PCMT1: variants seen among roughly 807,000 people sequenced by gnomAD.
The protein encoded by PCMT1 is protein-L-isoaspartate (D-aspartate) O-methyltransferase.
PCMT1 carries 9 observed loss-of-function variants against 29.2 expected under a neutral mutation model. The ratio of observed to expected loss-of-function variants is 0.31; its 90% CI spans 0.19 to 0.54. The LOEUF is 0.54. Among genes scored for constraint, PCMT1 ranks in the 20% least tolerant of loss-of-function variants. The pLI, the probability that PCMT1 is intolerant of heterozygous loss-of-function variation, is 0.95. For missense variants in PCMT1, 184 were observed against 282.2 expected, an observed-to-expected ratio of 0.65 and a Z score of 2.49; for synonymous variants, 98 against 97.5, an observed-to-expected ratio of 1.00 and a Z score of -0.03.
chr6:149,768,350 C>T (rs1787175918), intron 1 of PCMT1, among the ~76,000 whole-genome samples: 1 of 152,050 alleles, frequency 6.6e-6, no homozygotes, highest in Non-Finnish European at 1.5e-5. Context: ...CCTTGGTCTC[C>T]CAAAGTGCTC....
rs142533009 is a variant in PCMT1 at position 149,793,608 on chromosome 6, A to G, written c.357A>G (p.Ser119=). 4.9e-5 allele frequency: 77 copies of G among 1,572,130 alleles called. No homozygotes were observed. The highest frequency in any genetic ancestry group is 6.2e-5 in the Non-Finnish European group (72 of 1,166,586). The part of the protein sequence containing the change: ...IDHIKELVDD[S]VNNVRKDDPT... Reference sequence around the variant, plus strand: ...ACATTAAAGAGCTAGTAGATGACTCAGTAAATAATGTCAGGAAGGACGATC... The same window carrying G: ...ACATTAAAGAGCTAGTAGATGACTCGGTAAATAATGTCAGGAAGGACGATC... Residue 119 remains serine, a synonymous_variant, in exon 5 of 8, where the codon TCA becomes TCG. Coordinates refer to ENST00000464889, the MANE Select transcript of PCMT1 (RefSeq NM_001360452.2).
intron 1 of PCMT1, among the ~76,000 whole-genome samples, chr6:149,756,388 G>T (rs531228915): frequency 1.4e-5 from 2 of 145,464 alleles, no homozygotes; most frequent in African/African-American, 5.1e-5. Flanking sequence ...TCTTTCTGTC[G>T]CCCAAGCTGG....
chr6:149,766,962 G>A (rs1787110083), intron 1 of PCMT1, among the ~76,000 whole-genome samples: 1 of 152,116 alleles, frequency 6.6e-6, no homozygotes, highest in South Asian at 2.1e-4. Context: ...TGTAATCCCA[G>A]CACTTTGGGA....
chr6:149,797,279 C>T (rs924824412), intron 6 of PCMT1: 1 of 152,038 alleles, frequency 6.6e-6, no homozygotes, highest in African/African-American at 2.4e-5. Flanking sequence ...ATAATTAACA[C>T]AGGATATCTA....
chr6:149,777,723 T>C (rs955668120), intron 3 of PCMT1, among the ~76,000 whole-genome samples: 29 of 152,290 alleles, frequency 1.9e-4, no homozygotes, highest in African/African-American at 6.7e-4. Context: ...ATGGGTGGAA[T>C]TGAGATCTGA....
intron 7 of PCMT1, among the ~76,000 whole-genome samples, chr6:149,809,258 CAAAAAAA>C (rs1209712068): frequency 3.2e-4 from 15 of 47,092 alleles, no homozygotes; most frequent in African/African-American, 8.4e-4. Flanking sequence ...GACTCTGTCT[CAAAAAAA>C]AAAAAAAAAA....
At chr6:149,803,797 GAAAAAAAA>G (rs35832236) in intron 7 of PCMT1, among the ~76,000 whole-genome samples, 12 of 109,912 alleles carry the variant, frequency 1.1e-4, no homozygotes, top group Non-Finnish European at 1.7e-4. Context: ...ACAGCCACTG[GAAAAAAAA>G]AAAAAAAAAA....
intron 3 of PCMT1, among the ~76,000 whole-genome samples, chr6:149,776,619 C>T (rs2115267446): frequency 6.6e-6 from 1 of 152,102 alleles, no homozygotes; most frequent in South Asian, 2.1e-4. Context: ...ACTTTGTTAC[C>T]CCAGGTTGGT....
intron 1 of PCMT1, among the ~76,000 whole-genome samples, chr6:149,768,141 G>C (rs1371595211): frequency 6.6e-6 from 1 of 152,026 alleles, no homozygotes; most frequent in Non-Finnish European, 1.5e-5. Flanking sequence ...GCCCAGGCTG[G>C]AGTACAGTGG....
At chr6:149,796,675 G>T (rs1239599371) in intron 6 of PCMT1, 175 bp downstream of exon 6, 5 of 480,680 alleles carry the variant, frequency 1.0e-5, no homozygotes, top group Non-Finnish European at 1.8e-5. Context: ...TTGTATAAAT[G>T]ACATGAAAAT....
Position 149,793,582 on chromosome 6 carries a change from C to A in PCMT1, c.331C>A (p.His111Asn). The part of the protein sequence containing the change: ...GCTGKVIGID[H>N]IKELVDDSVN... ...TACTGGAAAAGTCATAGGAATTGAT[C>A]ACATTAAAGAGCTAGTAGATGACTC... Residue 111 changes from histidine to asparagine, a missense_variant, in exon 5 of 8, where the codon CAC (histidine) becomes AAC (asparagine). Transcript: ENST00000464889. The A allele has an allele frequency of 6.6e-7, 1 of 1,519,132 alleles. No homozygotes were observed. Among genetic ancestry groups the A allele is most frequent in the Non-Finnish European group, 8.8e-7 (1 of 1,141,048 alleles). 94.1% of individuals were successfully genotyped at this position (1,519,132 alleles called of 1,614,324 possible). A position where few individuals can be genotyped will look rare whatever the true frequency, so the allele number is the denominator to read the frequency against.
intron 3 of PCMT1, among the ~76,000 whole-genome samples, chr6:149,781,204 G>T (rs200403180): frequency 0.081 from 1,717 of 21,134 alleles, no homozygotes; most frequent in South Asian, 0.16. Context: ...TTTTTTTTTT[G>T]TTTTTTTTTT....
intron 3 of PCMT1, among the ~76,000 whole-genome samples, chr6:149,785,352 TTTC>T (rs1310607080): frequency 2.1e-5 from 2 of 95,784 alleles, no homozygotes; most frequent in Non-Finnish European, 3.7e-5. Context: ...CATTGGCTGT[TTTC>T]TTTTTTTTTT....
At chr6:149,786,567 T>C (rs1199398444) in intron 3 of PCMT1, among the ~76,000 whole-genome samples, 1 of 66,406 alleles carries the variant, frequency 1.5e-5, no homozygotes, top group Non-Finnish European at 2.4e-5. Context: ...ACGGGGCGGT[T>C]GCCAGGCAGA....
chr6:149,808,148 T>C (rs1438788980), intron 7 of PCMT1, among the ~76,000 whole-genome samples: 1 of 152,088 alleles, frequency 6.6e-6, no homozygotes, highest in African/African-American at 2.4e-5. Flanking sequence ...AGACTAAATG[T>C]TAGTATCATA....
At chr6:149,792,102 G>A (rs948398562) in intron 4 of PCMT1, among the ~76,000 whole-genome samples, 1 of 151,960 alleles carries the variant, frequency 6.6e-6, no homozygotes, top group African/African-American at 2.4e-5. Flanking sequence ...ATCACCTGAG[G>A]TCTGGAGTTC....
At position 149,749,757 on chromosome 6, in the gene PCMT1, C is replaced by T. The variant is rs981392147; in HGVS notation, c.-145C>T. ...CGGGAGCGCGCAGTGGCGGCAGCGG[C>T]GGCGACGGCAGTAACAGCGGCAGCT... On this transcript the variant is annotated 5_prime_UTR_variant, in exon 1 of 8. Transcript: ENST00000464889. The T allele has an allele frequency of 1.3e-6, 2 of 1,546,416 alleles. No individual in the cohort carries two copies. Among genetic ancestry groups the T allele is most frequent in the Non-Finnish European group, 1.7e-6 (2 of 1,144,730 alleles).
At chr6:149,773,104 T>C (rs1248899217) in intron 2 of PCMT1, 34 bp from the exon 3 acceptor site, 2 of 1,552,492 alleles carry the variant, frequency 1.3e-6, no homozygotes, top group Non-Finnish European at 1.8e-6. Context: ...TTTTTACAGC[T>C]GACTGTATCA....
chr6:149,752,036 G>GTTTTTTTTTTT (rs60405304), intron 1 of PCMT1, among the ~76,000 whole-genome samples: 1 of 122,802 alleles, frequency 8.1e-6, no homozygotes, highest in Non-Finnish European at 1.7e-5. Context: ...AATTTTTAGG[G>GTTTTTTTTTTT]TTTTTTTTTT....
Sources: allele counts gnomAD v4.1 joint callset (sites outside exome capture counted in the v4.1 genomes callset), GRCh38; gene constraint gnomAD v4.1.1; transcripts MANE v1.5; gene names NCBI Gene and HGNC (gene_info 2026-07-23, HGNC 2026-07-21).